PLEKHS1: variants seen among roughly 807,000 people sequenced by gnomAD.
PLEKHS1 encodes pleckstrin homology domain-containing family S member 1.
Under a neutral mutation model 51.0 loss-of-function variants are expected in PLEKHS1, and 55 were observed. That is an observed-to-expected ratio of 1.08 (90% CI 0.87 to 1.35). PLEKHS1 has a LOEUF of 1.35. PLEKHS1 is among the 40% of genes most tolerant of loss of function. The pLI is 0.00. For missense variants in PLEKHS1, 398 were observed against 423.0 expected (o/e 0.94, Z 0.52); for synonymous variants, 153 against 144.8 (o/e 1.06, Z -0.41).
intron 11 of PLEKHS1, chr10:113,777,192 T>G: frequency 2.5e-6 from 4 of 1,612,810 alleles, no homozygotes; most frequent in Non-Finnish European, 3.4e-6. Flanking sequence ...CTTCTGGCAG[T>G]GAATGACCTG....
Position 113,755,474 on chromosome 10 carries a change from C to T in PLEKHS1, c.28+169C>T, listed in dbSNP as rs113287812. 2,824 of 1,260,388 alleles carry T rather than the reference C, an allele frequency of 2.2e-3. 43 individuals carry two copies. The African/African-American group carries it at 0.038, about 17-fold the overall frequency. 78.1% of individuals were successfully genotyped at this position (1,260,388 alleles called of 1,614,324 possible). A position where few individuals can be genotyped will look rare whatever the true frequency, so the allele number is the denominator to read the frequency against. On this transcript the variant is annotated intron_variant, in intron 2 of 11. Transcript: ENST00000361048. ...TTGCGTAGGCTGGAGTACAGTGGCA[C>T]GATCTAAGCTCACTGCAACCTGCCA...
At chr10:113,761,444 T>TTTA (rs200744156) in intron 2 of PLEKHS1, among the ~76,000 whole-genome samples, 1 of 101,574 alleles carries the variant, frequency 9.8e-6, no homozygotes, top group South Asian at 4.0e-4. Context: ...AATTTATGTC[T>TTTA]CTTTATTTCA....
chr10:113,755,167 C>A, intron 1 of PLEKHS1, 92 bp from the exon 2 acceptor site: 1 of 1,384,320 alleles, frequency 7.2e-7, no homozygotes, highest in Non-Finnish European at 9.7e-7. Context: ...CATTCGTGAG[C>A]ACAATCCTGA....
chr10:113,761,288 G>A (rs1406869851), intron 2 of PLEKHS1, among the ~76,000 whole-genome samples: 1 of 151,966 alleles, frequency 6.6e-6, no homozygotes, highest in East Asian at 1.9e-4. Context: ...ATGATTTTGA[G>A]GATTAGCTTT....
Position 113,754,838 on chromosome 10 carries a change from G to C in PLEKHS1, c.-19-421G>C, listed in dbSNP as rs189344428. On this transcript the variant is annotated intron_variant, in intron 1 of 11. Transcript: ENST00000361048. ...AGCAAGCCCCTGGGCATGGAGAAAG[G>C]CTTATCTTGGGCTTCCTCTCAGCCA... 1.2e-3 allele frequency among the ~76,000 whole-genome samples: 176 copies of C among 152,292 alleles called. 1 individual carries two copies. The highest frequency in any genetic ancestry group is 2.7e-3 in the Admixed American group (42 of 15,304).
intron 7 of PLEKHS1, among the ~76,000 whole-genome samples, chr10:113,770,697 A>C (rs190084932): frequency 6.6e-6 from 1 of 152,258 alleles, no homozygotes; most frequent in Non-Finnish European, 1.5e-5. Context: ...TCAGTTCTTC[A>C]TTTAGCGAGT....
Position 113,765,249 on chromosome 10 carries a change from T to A in PLEKHS1, c.29-1162T>A. On this transcript the variant is annotated intron_variant, in intron 2 of 11. Coordinates refer to ENST00000361048, the Ensembl canonical transcript of PLEKHS1. ...CAACTTTCTTCTAAGTCTTTCATGATTTTTTAGGTGGGTTTGGAGCAGTGC... is the reference window on the plus strand; with the variant it reads ...CAACTTTCTTCTAAGTCTTTCATGAATTTTTAGGTGGGTTTGGAGCAGTGC... 5.5e-6 allele frequency: 3 copies of A among 548,448 alleles called. No individual in the cohort carries two copies. In the South Asian group the frequency reaches 9.1e-5, roughly 17 times the overall value. The allele number at this position is 548,448 out of a possible 1,614,324, so 34.0% of individuals were successfully genotyped here.
At chr10:113,762,028 C>G (rs184285541) in intron 2 of PLEKHS1, among the ~76,000 whole-genome samples, 2 of 152,144 alleles carry the variant, frequency 1.3e-5, no homozygotes, top group African/African-American at 4.8e-5. Flanking sequence ...TCTATTTCTT[C>G]TTCAGTGACC....
chr10:113,760,052 CT>C (rs1843850465), intron 2 of PLEKHS1, among the ~76,000 whole-genome samples: 2 of 152,198 alleles, frequency 1.3e-5, no homozygotes, highest in South Asian at 4.1e-4. Flanking sequence ...CAGACAACCC[CT>C]GATCTGCTTT....
In PLEKHS1 at chr10:113,774,849, A is replaced by C. The variant is rs757974984; in HGVS notation, c.803A>C (p.Glu268Ala). 5.0e-6 allele frequency: 8 copies of C among 1,613,952 alleles called. No homozygotes were observed. Among genetic ancestry groups the C allele is most frequent in the Non-Finnish European group, 6.8e-6 (8 of 1,179,950 alleles). ...AGTTTTTTCAAAGAGACATCCCATG[A>C]GTCTGTGGATAGCAGCAAAGAGGAA... Residue 268 changes from glutamate (E) to alanine (A), a missense_variant, in exon 10 of 12, where the codon GAG (glutamate) becomes GCG (alanine). Glu to Ala is a moderately radical substitution (Grantham distance 107). Transcript: ENST00000361048.
intron 2 of PLEKHS1, among the ~76,000 whole-genome samples, chr10:113,757,667 A>G (rs552459219): frequency 6.6e-6 from 1 of 152,356 alleles, no homozygotes; most frequent in East Asian, 1.9e-4. Flanking sequence ...TAAGACAACA[A>G]TGAAGTTGAC....
At chr10:113,768,508 G>T (rs1471816808) in intron 5 of PLEKHS1, among the ~76,000 whole-genome samples, 2 of 152,178 alleles carry the variant, frequency 1.3e-5, no homozygotes, top group African/African-American at 4.8e-5. Context: ...ACACTGACAG[G>T]TTAGGGGGCT....
At position 113,774,750 on chromosome 10, in the gene PLEKHS1, T is replaced by C. The variant is rs1844568016; in HGVS notation, c.780-76T>C. 2.3e-5 allele frequency: 32 copies of C among 1,378,068 alleles called. 1 individual carries two copies. In the South Asian group the frequency reaches 3.9e-4, roughly 17 times the overall value. 85.4% of individuals were successfully genotyped at this position (1,378,068 alleles called of 1,614,324 possible). On this transcript the variant is annotated intron_variant, in intron 9 of 11. Transcript: ENST00000361048. Reference sequence around the variant, plus strand: ...AGTCTTCACATGGCTGTTAGCTACTTAAATCTGACACACACAGGGGAACAC... The same window carrying C: ...AGTCTTCACATGGCTGTTAGCTACTCAAATCTGACACACACAGGGGAACAC...
chr10:113,761,660 T>C (rs1247205607), intron 2 of PLEKHS1, among the ~76,000 whole-genome samples: 1 of 152,152 alleles, frequency 6.6e-6, no homozygotes, highest in Non-Finnish European at 1.5e-5. Context: ...CTAGTAGTTT[T>C]TGGGGATTCT....
At chr10:113,776,259 A>G (rs1427337639) in intron 11 of PLEKHS1, among the ~76,000 whole-genome samples, 3 of 152,208 alleles carry the variant, frequency 2.0e-5, no homozygotes, top group Non-Finnish European at 4.4e-5. Flanking sequence ...AAAGCACATC[A>G]GCTTCTAAGA....
At chr10:113,775,096 T>C (rs918792266) in intron 10 of PLEKHS1, 61 bp downstream of exon 10, 13 of 1,381,098 alleles carry the variant, frequency 9.4e-6, no homozygotes, top group Non-Finnish European at 8.9e-6. Context: ...CCCTCCCACT[T>C]TTTTTTTTAA....
chr10:113,759,790 T>A (rs1204319069), intron 2 of PLEKHS1, among the ~76,000 whole-genome samples: 1 of 152,198 alleles, frequency 6.6e-6, no homozygotes, highest in Non-Finnish European at 1.5e-5. Context: ...TTACCTAGAA[T>A]CAAAATGGCT....
chr10:113,759,588 C>T (rs1219055363), intron 2 of PLEKHS1, among the ~76,000 whole-genome samples: 2 of 151,998 alleles, frequency 1.3e-5, no homozygotes, highest in African/African-American at 4.8e-5. Context: ...AAATATATCC[C>T]TGGTATTGAG....
intron 8 of PLEKHS1, 59 bp downstream of exon 8, chr10:113,772,148 G>A: frequency 2.5e-6 from 4 of 1,585,734 alleles, no homozygotes; most frequent in Non-Finnish European, 2.6e-6. Flanking sequence ...CTGAAACCCT[G>A]CCATGCACTT....
Sources: gnomAD v4.1 joint callset for allele counts (sites outside exome capture counted in the v4.1 genomes callset) on GRCh38, gnomAD v4.1.1 for gene constraint, MANE v1.5 for transcripts, NCBI Gene and HGNC (gene_info 2026-07-23, HGNC 2026-07-21) for gene names.